The following EXOC6B variants were observed in gnomAD, a reference collection of about 807,000 sequenced individuals.
The protein encoded by EXOC6B is SEC15 homolog B.
Under a neutral mutation model 113.5 loss-of-function variants are expected in EXOC6B, and 54 were observed. That is an observed-to-expected ratio of 0.48 (90% CI 0.38 to 0.60). The LOEUF (loss-of-function observed/expected upper bound fraction) is 0.60. Ranked by LOEUF, EXOC6B falls within the 20% of genes least tolerant of loss-of-function variation. The probability of loss-of-function intolerance (pLI) is 0.00; values close to 1 mark genes in which losing one functional copy is unlikely to be tolerated. For missense variants in EXOC6B, 797 were observed against 977.5 expected (o/e 0.82, Z 2.46); for synonymous variants, 357 against 339.0 (o/e 1.05, Z -0.58).
At chr2:72,423,721 CCGTGTG>C (rs1465885823) in intron 18 of EXOC6B, among the ~76,000 whole-genome samples, 2 of 152,020 alleles carry the variant, frequency 1.3e-5, no homozygotes, top group African/African-American at 4.8e-5. Context: ...ATGCATGCAC[CCGTGTG>C]TGTGCATGCA....
Position 72,575,630 on chromosome 2 carries a change from T to C in EXOC6B, c.708A>G (p.Gln236=). The change falls in exon 7 of 22, where the codon CAA becomes CAG. Residue 236 remains glutamine (Q), a synonymous_variant. Coordinates refer to ENST00000272427, the MANE Select transcript of EXOC6B (RefSeq NM_015189.3). ...QQRNLDNIVL[Q]QPRIGSKRKS... The stretch of plus-strand genomic sequence containing the variant: ...TCCTCTTGCTACCTATTCTGGGTTG[T>C]TGCAAGACGATGTTATCCAGGTTTC... The C allele has an allele frequency of 1.1e-5, 18 of 1,605,174 alleles. No individual in the cohort carries two copies. The highest frequency in any genetic ancestry group is 1.7e-5 in the Admixed American group (1 of 58,336).
At chr2:72,460,738 G>T (rs1391395511) in intron 18 of EXOC6B, among the ~76,000 whole-genome samples, 1 of 152,080 alleles carries the variant, frequency 6.6e-6, no homozygotes, top group African/African-American at 2.4e-5. Flanking sequence ...GAAGAAATAG[G>T]AACACTTTTA....
At chr2:72,291,492 C>A (rs913272533) in intron 20 of EXOC6B, among the ~76,000 whole-genome samples, 1 of 152,168 alleles carries the variant, frequency 6.6e-6, no homozygotes, top group Non-Finnish European at 1.5e-5. Flanking sequence ...GGAATCTCAG[C>A]GGCTGAGAAG....
At chr2:72,245,994 A>G (rs1276782100) in intron 20 of EXOC6B, among the ~76,000 whole-genome samples, 2 of 152,168 alleles carry the variant, frequency 1.3e-5, no homozygotes, top group Non-Finnish European at 2.9e-5. Context: ...ATAAAATGTG[A>G]TTCTTTTAGT....
intron 1 of EXOC6B, among the ~76,000 whole-genome samples, chr2:72,784,374 A>T (rs1166660776): frequency 6.6e-6 from 1 of 152,168 alleles, no homozygotes; most frequent in Non-Finnish European, 1.5e-5. Context: ...TTCTATTTAT[A>T]TGAAAAATGA....
intron 20 of EXOC6B, among the ~76,000 whole-genome samples, chr2:72,245,552 T>C (rs1415060465): frequency 2.0e-5 from 3 of 152,118 alleles, no homozygotes; most frequent in Non-Finnish European, 2.9e-5. Context: ...AAGTGAAAAA[T>C]GCCAATCTGA....
At chr2:72,632,231 TA>T (rs1396752108) in intron 6 of EXOC6B, among the ~76,000 whole-genome samples, 3 of 152,160 alleles carry the variant, frequency 2.0e-5, no homozygotes, top group African/African-American at 7.2e-5. Context: ...TTAGACTTAC[TA>T]ATGATTAGAA....
At chr2:72,356,726 T>C (rs1023735526) in intron 19 of EXOC6B, among the ~76,000 whole-genome samples, 2 of 152,130 alleles carry the variant, frequency 1.3e-5, no homozygotes, top group African/African-American at 2.4e-5. Context: ...CAACGCTTGC[T>C]TTCTGCTTGC....
intron 1 of EXOC6B, among the ~76,000 whole-genome samples, chr2:72,806,023 CT>C (rs1685559532): frequency 6.6e-6 from 1 of 151,822 alleles, no homozygotes; most frequent in South Asian, 2.1e-4. Flanking sequence ...TCTATTTTTT[CT>C]TTTTTTATCA....
At chr2:72,777,134 G>T (rs930204523) in intron 1 of EXOC6B, among the ~76,000 whole-genome samples, 3 of 152,116 alleles carry the variant, frequency 2.0e-5, no homozygotes, top group Non-Finnish European at 1.5e-5. Context: ...CCAGCTACTT[G>T]GGAGGCTAAG....
At chr2:72,356,653 T>G (rs1474612149) in intron 19 of EXOC6B, among the ~76,000 whole-genome samples, 2 of 152,166 alleles carry the variant, frequency 1.3e-5, no homozygotes, top group Admixed American at 6.5e-5. Context: ...TTTCTTTTAG[T>G]AAAAAATTAT....
intron 6 of EXOC6B, among the ~76,000 whole-genome samples, chr2:72,652,183 C>T (rs1169375912): frequency 6.8e-6 from 1 of 147,392 alleles, no homozygotes; most frequent in African/African-American, 2.5e-5. Context: ...CTCCTCCCCA[C>T]AAATAAGAAA....
At chr2:72,500,214 C>T (rs1285388757) in intron 11 of EXOC6B, among the ~76,000 whole-genome samples, 1 of 152,122 alleles carries the variant, frequency 6.6e-6, no homozygotes, top group Non-Finnish European at 1.5e-5. Flanking sequence ...TTTAAAAATG[C>T]ACTTCTAAAT....
At chr2:72,812,680 A>G (rs1573838094) in intron 1 of EXOC6B, among the ~76,000 whole-genome samples, 1 of 132,796 alleles carries the variant, frequency 7.5e-6, no homozygotes. Flanking sequence ...ACTGGGGGAG[A>G]CCCCCATCTC....
intron 18 of EXOC6B, among the ~76,000 whole-genome samples, chr2:72,386,472 C>T (rs1692035893): frequency 6.6e-6 from 1 of 152,184 alleles, no homozygotes; most frequent in Non-Finnish European, 1.5e-5. Flanking sequence ...CCATCACAGG[C>T]CCAGAGGTTT....
At position 72,672,411 on chromosome 2, in the gene EXOC6B, A is replaced by T. The variant is rs374449139; in HGVS notation, c.669+45692T>A. On this transcript the variant is annotated intron_variant, in intron 6 of 21. Transcript: ENST00000272427. ...CTTGGGAGGCTGAGGCAGGCGGATC[A>T]CGAGGTCAGGACATCGAGACCATCC... is the stretch of plus-strand genomic sequence containing the variant. 5.9e-5 allele frequency among the ~76,000 whole-genome samples: 9 copies of T among 151,830 alleles called. No individual in the cohort carries two copies. The South Asian group carries it at 1.0e-3, about 18-fold the overall frequency.
intron 20 of EXOC6B, among the ~76,000 whole-genome samples, chr2:72,251,248 T>C (rs768036642): frequency 4.6e-5 from 7 of 152,204 alleles, no homozygotes; most frequent in African/African-American, 9.6e-5. Flanking sequence ...ATCTCTTAGG[T>C]TTTCTAGGCA....
chr2:72,706,006 C>A (rs1315061506), intron 6 of EXOC6B, among the ~76,000 whole-genome samples: 1 of 152,084 alleles, frequency 6.6e-6, no homozygotes, highest in Non-Finnish European at 1.5e-5. Context: ...AAGAATAAAC[C>A]AAACTTCATT....
chr2:72,767,555 A>C (rs1315642589), intron 1 of EXOC6B, among the ~76,000 whole-genome samples: 3 of 151,814 alleles, frequency 2.0e-5, no homozygotes, highest in Non-Finnish European at 2.9e-5. Context: ...CACGCTTGCA[A>C]TCCCAACACT....
Sources: allele counts gnomAD v4.1 joint callset (sites outside exome capture counted in the v4.1 genomes callset), GRCh38; gene constraint gnomAD v4.1.1; transcripts MANE v1.5; gene names NCBI Gene and HGNC (gene_info 2026-07-23, HGNC 2026-07-21).